PDE10A: variants seen among roughly 807,000 people sequenced by gnomAD.
PDE10A encodes the protein cAMP and cAMP-inhibited cGMP 3',5'-cyclic phosphodiesterase 10A.
PDE10A carries 39 observed loss-of-function variants against 97.7 expected under a neutral mutation model. The observed-to-expected ratio is 0.40, with a 90% CI of 0.31 to 0.52. The LOEUF (loss-of-function observed/expected upper bound fraction) is 0.52, where lower values mean the gene tolerates loss of function less well. Ranked by LOEUF, PDE10A falls within the 20% of genes least tolerant of loss-of-function variation. The probability of loss-of-function intolerance (pLI) is 0.56; values close to 1 mark genes in which losing one functional copy is unlikely to be tolerated. For synonymous variants in PDE10A, 371 were observed against 376.8 expected (o/e 0.98, Z 0.18); for missense variants, 731 against 1,047.8 (o/e 0.70, Z 4.17).
At chr6:165,646,484 G>C (rs1158612612) in intron 1 of PDE10A, among the ~76,000 whole-genome samples, 1 of 152,208 alleles carries the variant, frequency 6.6e-6, no homozygotes, top group Non-Finnish European at 1.5e-5. Flanking sequence ...TTAGAGTGCT[G>C]AGAAATTACA....
At chr6:165,752,677 C>G (rs1793033751) in intron 1 of PDE10A, among the ~76,000 whole-genome samples, 1 of 152,132 alleles carries the variant, frequency 6.6e-6, no homozygotes, top group Non-Finnish European at 1.5e-5. Flanking sequence ...GTGAGGTATT[C>G]ATCATTAGGC....
At chr6:165,678,345 G>C (rs1328817159) in intron 1 of PDE10A, among the ~76,000 whole-genome samples, 1 of 115,096 alleles carries the variant, frequency 8.7e-6, no homozygotes, top group Non-Finnish European at 1.9e-5. Context: ...TTGTTTCTCA[G>C]GATAACCCTG....
chr6:165,889,838 CCACT>C (rs1196045911), intron 1 of PDE10A, among the ~76,000 whole-genome samples: 1 of 145,886 alleles, frequency 6.9e-6, no homozygotes, highest in Non-Finnish European at 1.5e-5. Flanking sequence ...CCCTCTCGCC[CCACT>C]CACTCCTCAC....
chr6:165,823,757 T>C (rs1284375706), intron 1 of PDE10A, among the ~76,000 whole-genome samples: 1 of 151,846 alleles, frequency 6.6e-6, no homozygotes, highest in Non-Finnish European at 1.5e-5. Context: ...ACATGAGTAA[T>C]ACATCGCACT....
chr6:165,479,252 C>T (rs756310727), intron 3 of PDE10A, among the ~76,000 whole-genome samples: 16 of 152,340 alleles, frequency 1.1e-4, no homozygotes, highest in South Asian at 4.1e-4. Flanking sequence ...CCCCTGCCTA[C>T]ACTCCTAGAC....
At chr6:165,857,283 GA>G (rs1780763351) in intron 1 of PDE10A, among the ~76,000 whole-genome samples, 2 of 152,214 alleles carry the variant, frequency 1.3e-5, no homozygotes, top group Admixed American at 1.3e-4. Context: ...ACCCGGACCT[GA>G]ACCCCAGGAG....
chr6:165,365,927 C>A (rs77089492), intron 18 of PDE10A, among the ~76,000 whole-genome samples: 401 of 152,016 alleles, frequency 2.6e-3, no homozygotes, highest in Non-Finnish European at 4.2e-3. Context: ...AGATTACATG[C>A]AAATATGCTA....
At chr6:165,949,154 G>A (rs1783872838) in intron 1 of PDE10A, 1 of 152,202 alleles carries the variant, frequency 6.6e-6, no homozygotes, top group African/African-American at 2.4e-5. Context: ...CACCCTCAAT[G>A]GGGATATAGG....
intron 2 of PDE10A, among the ~76,000 whole-genome samples, chr6:165,508,001 G>A (rs542792717): frequency 6.6e-5 from 10 of 152,038 alleles, no homozygotes; most frequent in African/African-American, 2.4e-4. Flanking sequence ...TCTACCCAAA[G>A]CCCAGAAGAA....
intron 2 of PDE10A, 135 bp from the exon 3 acceptor site, chr6:165,482,478 GA>G: frequency 1.4e-6 from 1 of 709,786 alleles, no homozygotes; most frequent in Non-Finnish European, 2.6e-6. Context: ...CTATGAATTT[GA>G]TTTTTTAAAC....
chr6:165,859,789 GTTTC>G (rs1461975452), intron 1 of PDE10A, among the ~76,000 whole-genome samples: 1 of 151,940 alleles, frequency 6.6e-6, no homozygotes, highest in Non-Finnish European at 1.5e-5. Flanking sequence ...GTTTATCACA[GTTTC>G]TTTATGCACT....
intron 1 of PDE10A, among the ~76,000 whole-genome samples, chr6:165,674,487 T>C (rs1020877358): frequency 3.3e-5 from 5 of 152,264 alleles, no homozygotes; most frequent in South Asian, 2.1e-4. Context: ...GGGATTCAGA[T>C]TGACGTGCGT....
At chr6:165,502,269 CTT>C (rs1164124421) in intron 2 of PDE10A, among the ~76,000 whole-genome samples, 1 of 152,126 alleles carries the variant, frequency 6.6e-6, no homozygotes, top group Admixed American at 6.5e-5. Context: ...ATAGAACAGA[CTT>C]TATCAAATTT....
intron 2 of PDE10A, among the ~76,000 whole-genome samples, chr6:165,488,473 T>C (rs759511994): frequency 6.6e-6 from 1 of 152,168 alleles, no homozygotes; most frequent in African/African-American, 2.4e-5. Context: ...AAATGGTGGA[T>C]AGGAGGCAGG....
chr6:165,879,821 G>A (rs1002544911), intron 1 of PDE10A, among the ~76,000 whole-genome samples: 1 of 151,090 alleles, frequency 6.6e-6, no homozygotes, highest in Admixed American at 6.6e-5. Context: ...TTTTAAATCC[G>A]TGGTTGGTAG....
At chr6:165,423,453 G>A (rs958086654) in intron 10 of PDE10A, among the ~76,000 whole-genome samples, 1 of 152,278 alleles carries the variant, frequency 6.6e-6, no homozygotes, top group East Asian at 1.9e-4. Context: ...AGCTAAAGAC[G>A]CTGCAGGTCT....
intron 1 of PDE10A, among the ~76,000 whole-genome samples, chr6:165,743,903 A>G (rs1419161510): frequency 6.6e-6 from 1 of 152,238 alleles, no homozygotes; most frequent in African/African-American, 2.4e-5. Context: ...TATTCCATGT[A>G]GGACACGGAC....
At chr6:165,624,886 CAT>C (rs759614988) in intron 1 of PDE10A, among the ~76,000 whole-genome samples, 1 of 152,326 alleles carries the variant, frequency 6.6e-6, no homozygotes, top group Non-Finnish European at 1.5e-5. Flanking sequence ...TGCCACTTCA[CAT>C]GAGTTAGTCT....
intron 13 of PDE10A, among the ~76,000 whole-genome samples, chr6:165,410,591 C>T (rs2128225939): frequency 6.6e-6 from 1 of 152,186 alleles, no homozygotes; most frequent in South Asian, 2.1e-4. Flanking sequence ...AAACTCTCTT[C>T]TAAAGAAGTC....
Sources: allele counts gnomAD v4.1 joint callset (sites outside exome capture counted in the v4.1 genomes callset), GRCh38; gene constraint gnomAD v4.1.1; transcripts MANE v1.5; gene names NCBI Gene and HGNC (gene_info 2026-07-23, HGNC 2026-07-21).